Variants in LRRTM4 observed in about 807,000 individuals in gnomAD.
LRRTM4 encodes the protein leucine rich repeat transmembrane neuronal 4, also known as leucine-rich repeat transmembrane neuronal protein 4.
Under a neutral mutation model 47.6 loss-of-function variants are expected in LRRTM4, and 25 were observed. The observed-to-expected ratio is 0.53, with a 90% CI of 0.38 to 0.73. The LOEUF (loss-of-function observed/expected upper bound fraction) is 0.73, where lower values mean the gene tolerates loss of function less well. Among genes scored for constraint, LRRTM4 ranks in the 30% least tolerant of loss-of-function variants. LRRTM4 has a pLI of 0.00. For missense variants in LRRTM4, 638 were observed against 713.4 expected (o/e 0.89, Z 1.20); for synonymous variants, 311 against 269.5 (o/e 1.15, Z -1.51).
intron 3 of LRRTM4, among the ~76,000 whole-genome samples, chr2:77,072,800 CAAAAAAAAAAAAA>C (rs373786120): frequency 7.6e-5 from 6 of 78,742 alleles, no homozygotes; most frequent in East Asian, 8.1e-4. Context: ...CTCCGTCTTC[CAAAAAAAAAAAAA>C]AAAAAAAAAA....
intron 3 of LRRTM4, among the ~76,000 whole-genome samples, chr2:76,855,068 A>G (rs1446078225): frequency 2.0e-5 from 3 of 152,172 alleles, no homozygotes; most frequent in African/African-American, 4.8e-5. Context: ...AAGAGAAGAA[A>G]TGTTTCACTA....
intron 3 of LRRTM4, among the ~76,000 whole-genome samples, chr2:77,189,924 A>C (rs1673620880): frequency 6.6e-6 from 1 of 152,128 alleles, no homozygotes; most frequent in Non-Finnish European, 1.5e-5. Context: ...TTTATACTTG[A>C]CTAATTTTTC....
intron 3 of LRRTM4, among the ~76,000 whole-genome samples, chr2:77,407,406 G>C (rs796981436): frequency 6.6e-6 from 1 of 151,440 alleles, no homozygotes; most frequent in South Asian, 2.1e-4. Context: ...ATACTCTGGG[G>C]AGTAAAGCTT....
intron 3 of LRRTM4, among the ~76,000 whole-genome samples, chr2:77,272,296 G>A (rs936957725): frequency 6.6e-6 from 1 of 152,026 alleles, no homozygotes; most frequent in African/African-American, 2.4e-5. Flanking sequence ...AGGATGTCAT[G>A]AACAATAGAA....
At chr2:77,005,895 T>A (rs929913835) in intron 3 of LRRTM4, among the ~76,000 whole-genome samples, 1 of 152,180 alleles carries the variant, frequency 6.6e-6, no homozygotes, top group Admixed American at 6.6e-5. Flanking sequence ...TTTATTAACA[T>A]CCTCTTGTGT....
chr2:77,108,578 C>CT (rs200805423), intron 3 of LRRTM4, among the ~76,000 whole-genome samples: 79,666 of 142,872 alleles, frequency 0.56, 21,856 homozygotes, highest in East Asian at 0.7. Context: ...CACAAACATT[C>CT]TTTTTTTTTT....
At chr2:76,793,040 C>T (rs1675061160) in intron 3 of LRRTM4, among the ~76,000 whole-genome samples, 1 of 152,100 alleles carries the variant, frequency 6.6e-6, no homozygotes, top group Admixed American at 6.6e-5. Flanking sequence ...ACACACTTGC[C>T]AGTGAGAAAA....
At chr2:76,999,351 A>G (rs1302586797) in intron 3 of LRRTM4, among the ~76,000 whole-genome samples, 2 of 151,968 alleles carry the variant, frequency 1.3e-5, no homozygotes, top group Non-Finnish European at 2.9e-5. Flanking sequence ...CAACTGGTAC[A>G]CAGTAATGAT....
At chr2:77,366,372 A>G (rs934423624) in intron 3 of LRRTM4, among the ~76,000 whole-genome samples, 6 of 151,796 alleles carry the variant, frequency 4.0e-5, no homozygotes, top group Non-Finnish European at 7.4e-5. Flanking sequence ...CAGTAATGGT[A>G]CTTTTTACCT....
Position 77,282,282 on chromosome 2 carries a change from G to A in LRRTM4, c.1551+236036C>T, listed in dbSNP as rs182727024. On this transcript the variant is annotated intron_variant, in intron 3 of 3. Transcript: ENST00000409884. The stretch of plus-strand genomic sequence containing the variant: ...AAAAATGCCACTTATTTGTGTATAC[G>A]CATTTTGTATCCTGAAACTTTACTG... 1.0e-3 allele frequency among the ~76,000 whole-genome samples: 152 copies of A among 151,644 alleles called. 1 individual carries two copies. Among genetic ancestry groups the A allele is most frequent in the Admixed American group, 2.6e-3 (40 of 15,154 alleles).
Position 77,260,210 on chromosome 2 carries a change from T to A in LRRTM4, c.1551+258108A>T, listed in dbSNP as rs137977635. On this transcript the variant is annotated intron_variant, in intron 3 of 3. Coordinates refer to ENST00000409884, the MANE Select transcript of LRRTM4 (RefSeq NM_001134745.3). ...AAATATGTGGGCAAGGCACAGCTTA[T>A]GTAGGTAAAGAATAAACCCATCCAA... 2.0e-5 allele frequency among the ~76,000 whole-genome samples: 3 copies of A among 152,232 alleles called. No individual in the cohort carries two copies. The East Asian group carries it at 5.8e-4, about 29-fold the overall frequency.
At chr2:76,991,118 C>T (rs1042082366) in intron 3 of LRRTM4, among the ~76,000 whole-genome samples, 1 of 151,588 alleles carries the variant, frequency 6.6e-6, no homozygotes, top group African/African-American at 2.4e-5. Flanking sequence ...GACAAACATA[C>T]CAAAATCCCT....
intron 3 of LRRTM4, among the ~76,000 whole-genome samples, chr2:77,498,393 C>T (rs768018447): frequency 6.6e-6 from 1 of 151,818 alleles, no homozygotes; most frequent in Non-Finnish European, 1.5e-5. Flanking sequence ...TCCTCCTGCA[C>T]ATTTTCATTT....
chr2:77,191,238 G>T, intron 3 of LRRTM4, among the ~76,000 whole-genome samples: 1 of 151,394 alleles, frequency 6.6e-6, no homozygotes, highest in East Asian at 1.9e-4. Context: ...AAAAACACCC[G>T]AAGTGTTTCT....
At chr2:77,328,260 G>A (rs1041253552) in intron 3 of LRRTM4, among the ~76,000 whole-genome samples, 3 of 151,998 alleles carry the variant, frequency 2.0e-5, no homozygotes, top group Non-Finnish European at 4.4e-5. Context: ...TTGCTATTAG[G>A]TCTAACTGAA....
intron 3 of LRRTM4, among the ~76,000 whole-genome samples, chr2:77,274,841 A>C (rs375323655): frequency 7.3e-4 from 111 of 152,160 alleles, no homozygotes; most frequent in African/African-American, 2.6e-3. Context: ...AATTTCAAAA[A>C]CCAGATATTT....
chr2:76,797,728 G>A (rs570482352), intron 3 of LRRTM4, among the ~76,000 whole-genome samples: 80 of 151,226 alleles, frequency 5.3e-4, no homozygotes, highest in East Asian at 1.4e-3. Flanking sequence ...CCCATCTCAC[G>A]TGCAGAGACA....
At chr2:76,749,689 A>G (rs1264695756) in intron 3 of LRRTM4, among the ~76,000 whole-genome samples, 1 of 152,204 alleles carries the variant, frequency 6.6e-6, no homozygotes, top group East Asian at 1.9e-4. Context: ...CATTTAATAT[A>G]AAAAGCAGAA....
rs115374873 is a variant in LRRTM4 at position 77,373,968 on chromosome 2, T to C, written c.1551+144350A>G. 3.2e-3 allele frequency among the ~76,000 whole-genome samples: 490 copies of C among 151,680 alleles called. 4 individuals are homozygous for C. The highest frequency in any genetic ancestry group is 6.1e-3 in the Non-Finnish European group (412 of 67,766). On this transcript the variant is annotated intron_variant, in intron 3 of 3. Coordinates refer to ENST00000409884, the MANE Select transcript of LRRTM4 (RefSeq NM_001134745.3). ...AAATGAGCTTGCTAAGTTAACAGAG[T>C]CAAACAAGACAAAGCCTTGCTGGAA...
Sources: allele counts gnomAD v4.1 joint callset (sites outside exome capture counted in the v4.1 genomes callset), GRCh38; gene constraint gnomAD v4.1.1; transcripts MANE v1.5; gene names NCBI Gene and HGNC (gene_info 2026-07-23, HGNC 2026-07-21).